SDK1: variants seen among roughly 807,000 people sequenced by gnomAD.
SDK1 encodes the protein protein sidekick-1.
Under a neutral mutation model 245.5 loss-of-function variants are expected in SDK1, and 157 were observed. That is an observed-to-expected ratio of 0.64 (90% CI 0.56 to 0.73). SDK1 has a LOEUF of 0.73. Among genes scored for constraint, SDK1 ranks in the 30% least tolerant of loss-of-function variants. The pLI, the probability that SDK1 is intolerant of heterozygous loss-of-function variation, is 0.00. For synonymous variants in SDK1, 1,647 were observed against 1,278.5 expected, an observed-to-expected ratio of 1.29 and a Z score of -6.15; for missense variants, 3,583 against 3,002.3, an observed-to-expected ratio of 1.19 and a Z score of -4.52.
rs1479794807 is a variant in SDK1, at chr7:4,161,825, A to G, written c.4769A>G (p.His1590Arg). 1.9e-6 allele frequency: 3 copies of G among 1,614,150 alleles called. No homozygotes were observed. Residue 1590 changes from histidine (H) to arginine (R), a missense_variant, in exon 32 of 45, where the codon CAC becomes CGC. Physicochemically the swap from His to Arg is conservative, Grantham distance 29 (BLOSUM62 0). Transcript: ENST00000404826. ...EPPGSVSATP[H>R]TTSSVLIQWQ... The stretch of plus-strand genomic sequence containing the variant: ...CCGGGATCTGTCTCAGCGACGCCAC[A>G]CACCACGTCCTCTGTCCTGATACAG...
chr7:3,471,649 A>C (rs916487054), intron 1 of SDK1, among the ~76,000 whole-genome samples: 9 of 152,300 alleles, frequency 5.9e-5, no homozygotes, highest in African/African-American at 1.7e-4. Context: ...AGTGTTGTCA[A>C]CTTCAGATCC....
intron 5 of SDK1, among the ~76,000 whole-genome samples, chr7:3,834,023 G>A (rs1002070989): frequency 1.6e-4 from 24 of 152,174 alleles, no homozygotes; most frequent in African/African-American, 5.6e-4. Flanking sequence ...AGGATACTGA[G>A]GGATGCATAT....
chr7:3,558,942 C>G (rs1779669099), intron 1 of SDK1, among the ~76,000 whole-genome samples: 1 of 152,154 alleles, frequency 6.6e-6, no homozygotes, highest in Non-Finnish European at 1.5e-5. Context: ...TTCCCTCACT[C>G]TACTCAAGAC....
At position 4,236,570 on chromosome 7, in the gene SDK1, G is replaced by A. The variant is rs138154031; in HGVS notation, c.5993-1077G>A. 2.7e-3 allele frequency among the ~76,000 whole-genome samples: 405 copies of A among 152,160 alleles called. 2 individuals carry two copies. Among genetic ancestry groups the A allele is most frequent in the African/African-American group, 8.8e-3 (364 of 41,514 alleles). ...GCAAATACACACAGTGCGTGTTTGCGGCGGGGGCTTCCATAGACGTGCAGA... is the reference window on the plus strand; with the variant it reads ...GCAAATACACACAGTGCGTGTTTGCAGCGGGGGCTTCCATAGACGTGCAGA... On this transcript the variant is annotated intron_variant, in intron 41 of 44. Transcript: ENST00000404826.
At chr7:4,183,361 T>C (rs1584392237) in intron 35 of SDK1, among the ~76,000 whole-genome samples, 1 of 152,054 alleles carries the variant, frequency 6.6e-6, no homozygotes, top group Non-Finnish European at 1.5e-5. Flanking sequence ...ACAGGCTGGG[T>C]GCGGTGGTTC....
chr7:3,685,055 T>A (rs1265492803), intron 4 of SDK1, among the ~76,000 whole-genome samples: 1 of 151,956 alleles, frequency 6.6e-6, no homozygotes, highest in East Asian at 1.9e-4. Flanking sequence ...AGAAAGAAGG[T>A]TGGGCTGAAA....
chr7:3,756,688 G>T (rs1344582586), intron 4 of SDK1, among the ~76,000 whole-genome samples: 2 of 151,936 alleles, frequency 1.3e-5, no homozygotes, highest in Admixed American at 6.5e-5. Flanking sequence ...CCTCCAATCT[G>T]TGACCATTTT....
intron 1 of SDK1, among the ~76,000 whole-genome samples, chr7:3,535,572 C>T (rs965860723): frequency 2.0e-5 from 3 of 152,128 alleles, no homozygotes; most frequent in Non-Finnish European, 2.9e-5. Flanking sequence ...AAAGTTTTCT[C>T]AGCTGTAAAG....
chr7:3,913,526 G>A (rs12530629), intron 5 of SDK1, among the ~76,000 whole-genome samples: 3 of 151,730 alleles, frequency 2.0e-5, no homozygotes, highest in East Asian at 1.9e-4. Flanking sequence ...ATCTCCTGAC[G>A]TCGTGATCCA....
intron 5 of SDK1, among the ~76,000 whole-genome samples, chr7:3,827,304 A>G (rs1562473530): frequency 6.6e-6 from 1 of 152,130 alleles, no homozygotes; most frequent in Non-Finnish European, 1.5e-5. Context: ...GTCCTTTCAT[A>G]TTCACATTCT....
At chr7:3,653,249 C>T (rs1054199396) in intron 4 of SDK1, among the ~76,000 whole-genome samples, 8 of 152,206 alleles carry the variant, frequency 5.3e-5, no homozygotes, top group African/African-American at 1.9e-4. Flanking sequence ...TCCTGTGGGT[C>T]ACCCCTCCTT....
chr7:3,771,467 C>T (rs994954608), intron 4 of SDK1, among the ~76,000 whole-genome samples: 1 of 152,086 alleles, frequency 6.6e-6, no homozygotes, highest in Non-Finnish European at 1.5e-5. Context: ...AAACTTAACT[C>T]ACCCTCATTG....
At chr7:3,770,815 C>A (rs951253456) in intron 4 of SDK1, among the ~76,000 whole-genome samples, 5 of 152,060 alleles carry the variant, frequency 3.3e-5, no homozygotes, top group African/African-American at 1.2e-4. Context: ...AAGGGATGAG[C>A]CTGCCTGGAC....
chr7:4,053,120 A>G (rs907294404), intron 19 of SDK1, among the ~76,000 whole-genome samples: 1 of 146,722 alleles, frequency 6.8e-6, no homozygotes, highest in Admixed American at 6.8e-5. Context: ...TAGGAAAATT[A>G]TTTTTTAAGT....
chr7:3,822,773 AG>A (rs1373892358), intron 5 of SDK1, among the ~76,000 whole-genome samples: 84 of 151,676 alleles, frequency 5.5e-4, no homozygotes, highest in Non-Finnish European at 1.0e-3. Flanking sequence ...CATCTCAAAA[AG>A]AAAAAAAAAA....
intron 1 of SDK1, among the ~76,000 whole-genome samples, chr7:3,496,318 A>T (rs1425404406): frequency 1.3e-5 from 2 of 152,084 alleles, no homozygotes; most frequent in African/African-American, 4.8e-5. Flanking sequence ...ATTAGTTTCA[A>T]TTCCCTGGCA....
At chr7:3,375,792 T>A (rs1357817566) in intron 1 of SDK1, among the ~76,000 whole-genome samples, 2 of 152,142 alleles carry the variant, frequency 1.3e-5, no homozygotes, top group Non-Finnish European at 2.9e-5. Flanking sequence ...CTGGGAGGCA[T>A]CTTGCCTGCA....
chr7:4,021,774 G>T (rs1436655409), intron 17 of SDK1, among the ~76,000 whole-genome samples: 1 of 152,210 alleles, frequency 6.6e-6, no homozygotes, highest in Non-Finnish European at 1.5e-5. Context: ...GCAGAGGCTG[G>T]CAACGTGGCC....
Position 3,618,454 on chromosome 7 carries a change from G to T in SDK1, c.299-626G>T, listed in dbSNP as rs546901694. Among the ~76,000 whole-genome samples, 8 of 152,290 alleles carry T rather than the reference G, an allele frequency of 5.3e-5. 1 individual carries two copies. Among genetic ancestry groups the T allele is most frequent in the African/African-American group, 1.9e-4 (8 of 41,548 alleles). ...CTGTCTGGCTTCTTTCACTCGGCTTGATGTGTGTGGGATTTACCTGTGTTG... is the reference window on the plus strand; with the variant it reads ...CTGTCTGGCTTCTTTCACTCGGCTTTATGTGTGTGGGATTTACCTGTGTTG... On this transcript the variant is annotated intron_variant, in intron 1 of 44. Transcript: ENST00000404826.
Sources: gnomAD v4.1 joint callset for allele counts (sites outside exome capture counted in the v4.1 genomes callset) on GRCh38, gnomAD v4.1.1 for gene constraint, MANE v1.5 for transcripts, NCBI Gene and HGNC (gene_info 2026-07-23, HGNC 2026-07-21) for gene names.